Variants in AKR1B1 observed in about 807,000 individuals in gnomAD.
AKR1B1 encodes aldo-keto reductase family 1 member B.
Under a neutral mutation model 40.4 loss-of-function variants are expected in AKR1B1, and 22 were observed. The ratio of observed to expected loss-of-function variants is 0.54; its 90% CI spans 0.39 to 0.78. The LOEUF is 0.78. AKR1B1 is among the 30% of genes least tolerant of loss of function. The probability of loss-of-function intolerance (pLI) is 0.00; values close to 1 mark genes in which losing one functional copy is unlikely to be tolerated. For synonymous variants in AKR1B1, 157 were observed against 149.9 expected, an observed-to-expected ratio of 1.05 and a Z score of -0.35; for missense variants, 357 against 396.7, an observed-to-expected ratio of 0.90 and a Z score of 0.85.
At chr7:134,451,555 A>G in intron 2 of AKR1B1, 31 bp downstream of exon 2, 1 of 1,612,376 alleles carries the variant, frequency 6.2e-7, no homozygotes, top group Non-Finnish European at 8.5e-7. Context: ...TGGGACCGAG[A>G]GCCCCTTCCA....
intron 1 of AKR1B1, among the ~76,000 whole-genome samples, chr7:134,457,078 C>T (rs930427186): frequency 2.0e-5 from 3 of 151,472 alleles, no homozygotes; most frequent in Non-Finnish European, 4.4e-5. Context: ...GTTAAGGCTA[C>T]AGTGAATCAT....
intron 9 of AKR1B1, 90 bp downstream of exon 9, chr7:134,445,148 A>T (rs1377842437): frequency 1.7e-6 from 2 of 1,153,994 alleles, no homozygotes; most frequent in African/African-American, 3.0e-5. Flanking sequence ...ACGAGAGCAC[A>T]TTGGCGCTGA....
intron 2 of AKR1B1, 123 bp downstream of exon 2, chr7:134,451,459 GTTTC>G (rs1806284269): frequency 1.6e-6 from 2 of 1,215,316 alleles, no homozygotes; most frequent in African/African-American, 3.0e-5. Flanking sequence ...TGGGTGATAC[GTTTC>G]CCCGGGAAGA....
At chr7:134,459,232 G>T, upstream of AKR1B1, 1 of 748,536 alleles carries the variant, frequency 1.3e-6, no homozygotes, top group Non-Finnish European at 2.2e-6. Flanking sequence ...CCTTCCCCAA[G>T]GGTCGGCGGG....
At chr7:134,453,706 T>C (rs1425538506) in intron 1 of AKR1B1, among the ~76,000 whole-genome samples, 1 of 152,186 alleles carries the variant, frequency 6.6e-6, no homozygotes, top group Admixed American at 6.5e-5. Flanking sequence ...AAGAAGCTGC[T>C]GATCATTCCT....
intron 2 of AKR1B1, 97 bp downstream of exon 2, chr7:134,451,487 GAA>G: frequency 6.9e-7 from 1 of 1,440,668 alleles, no homozygotes. Flanking sequence ...GCCCATCAGT[GAA>G]AAGTGTAGCT....
At chr7:134,454,813 A>G (rs1385979230) in intron 1 of AKR1B1, among the ~76,000 whole-genome samples, 1 of 152,164 alleles carries the variant, frequency 6.6e-6, no homozygotes, top group African/African-American at 2.4e-5. Flanking sequence ...GGAAACGATC[A>G]CTCAGAATCA....
chr7:134,454,893 C>T (rs1207636094), intron 1 of AKR1B1, among the ~76,000 whole-genome samples: 1 of 152,224 alleles, frequency 6.6e-6, no homozygotes, highest in East Asian at 1.9e-4. Context: ...TAAGACACTG[C>T]TGTTTCCAAC....
chr7:134,444,372 C>A (rs1452176109), intron 9 of AKR1B1, among the ~76,000 whole-genome samples: 1 of 152,254 alleles, frequency 6.6e-6, no homozygotes, highest in Admixed American at 6.5e-5. Context: ...ACTGGGCAAA[C>A]ATCTGCCTGG....
chr7:134,445,149 T>C lies in AKR1B1; in HGVS notation c.908+89A>G, dbSNP rs117086338. On this transcript the variant is annotated intron_variant, in intron 9 of 9. Coordinates refer to ENST00000285930, the MANE Select transcript of AKR1B1 (RefSeq NM_001628.4). ...CAAGAACAGCTGTGACGAGAGCACATTGGCGCTGAGGCCTGCAGGGATCAC... is the reference window on the plus strand; with the variant it reads ...CAAGAACAGCTGTGACGAGAGCACACTGGCGCTGAGGCCTGCAGGGATCAC... The C allele has an allele frequency of 3.0e-3, 3,524 of 1,163,040 alleles. 6 individuals are homozygous for C. Among genetic ancestry groups the C allele is most frequent in the Non-Finnish European group, 4.2e-3 (3,338 of 789,318 alleles). The allele number at this position is 1,163,040 out of a possible 1,614,324, so 72.0% of individuals were successfully genotyped here. A position where few individuals can be genotyped will look rare whatever the true frequency, so the allele number is the denominator to read the frequency against.
chr7:134,452,244 G>A (rs912263575), intron 1 of AKR1B1, among the ~76,000 whole-genome samples: 5 of 152,108 alleles, frequency 3.3e-5, no homozygotes, highest in Admixed American at 2.0e-4. Flanking sequence ...TTCTGATACC[G>A]GCAGTCGCTT....
chr7:134,451,284 T>C (rs748326830), intron 2 of AKR1B1: 22 of 534,248 alleles, frequency 4.1e-5, no homozygotes, highest in Non-Finnish European at 6.8e-5. Context: ...AGATTCAGTT[T>C]GCAGATGGGA....
intron 1 of AKR1B1, among the ~76,000 whole-genome samples, chr7:134,453,815 A>G (rs1806367855): frequency 6.6e-6 from 1 of 152,156 alleles, no homozygotes; most frequent in South Asian, 2.1e-4. Context: ...ACGAGGATCC[A>G]CAACCACATT....
intron 3 of AKR1B1, 96 bp downstream of exon 3, chr7:134,450,690 A>C: frequency 1.1e-6 from 1 of 922,148 alleles, no homozygotes; most frequent in South Asian, 1.3e-5. Flanking sequence ...GCAAGAACAG[A>C]AAGTCACCCA....
chr7:134,442,807 G>T, intron 9 of AKR1B1, 37 bp from the exon 10 acceptor site: 1 of 1,606,074 alleles, frequency 6.2e-7, no homozygotes, highest in Non-Finnish European at 8.5e-7. Flanking sequence ...GCTTTTTGAA[G>T]AGGTGATTTT....
Position 134,443,202 on chromosome 7 carries a change from G to A in AKR1B1, c.909-432C>T, listed in dbSNP as rs904031457. ...AAGCGAGAGGATCACTTGAGGCTAGGGGTTTGCGACTAGCCTGGGCAACAT... is the reference window on the plus strand; with the variant it reads ...AAGCGAGAGGATCACTTGAGGCTAGAGGTTTGCGACTAGCCTGGGCAACAT... On this transcript the variant is annotated intron_variant, in intron 9 of 9. Transcript: ENST00000285930. Among the ~76,000 whole-genome samples the A allele has an allele frequency of 3.0e-4, 46 of 152,276 alleles. 1 individual carries two copies. Among genetic ancestry groups the A allele is most frequent in the Non-Finnish European group, 1.2e-4 (8 of 68,018 alleles).
At chr7:134,456,677 C>T (rs186041624) in intron 1 of AKR1B1, among the ~76,000 whole-genome samples, 65 of 152,232 alleles carry the variant, frequency 4.3e-4, no homozygotes, top group African/African-American at 1.5e-3. Flanking sequence ...TCTCTAAAGT[C>T]GTTTTACTTC....
At chr7:134,442,885 C>G in intron 9 of AKR1B1, 115 bp from the exon 10 acceptor site, 1 of 1,025,890 alleles carries the variant, frequency 9.7e-7, no homozygotes, top group South Asian at 1.4e-5. Context: ...ACCTCAGAGG[C>G]AACAAGCTAG....
At chr7:134,449,449 T>C (rs1168320755) in intron 4 of AKR1B1, 7 of 569,482 alleles carry the variant, frequency 1.2e-5, no homozygotes, top group South Asian at 2.0e-5. Flanking sequence ...TAGCCGGGCG[T>C]GGTGGCGGGC....
Sources: allele counts gnomAD v4.1 joint callset (sites outside exome capture counted in the v4.1 genomes callset), GRCh38; gene constraint gnomAD v4.1.1; transcripts MANE v1.5; gene names NCBI Gene and HGNC (gene_info 2026-07-23, HGNC 2026-07-21).